AKAP8L: variants seen among roughly 807,000 people sequenced by gnomAD.
The protein encoded by AKAP8L is A-kinase anchoring protein 8 like.
A neutral mutation model predicts 77.5 loss-of-function variants in AKAP8L; 34 were observed. The observed-to-expected ratio is 0.44, with a 90% CI of 0.33 to 0.58. The LOEUF is 0.58. AKAP8L is among the 20% of genes least tolerant of loss of function. The pLI, the probability that AKAP8L is intolerant of heterozygous loss-of-function variation, is 0.02. For synonymous variants in AKAP8L, 342 were observed against 340.7 expected, an observed-to-expected ratio of 1.00 and a Z score of -0.04; for missense variants, 806 against 887.6, an observed-to-expected ratio of 0.91 and a Z score of 1.17.
chr19:15,411,430 C>A (rs1348117994), intron 1 of AKAP8L, among the ~76,000 whole-genome samples: 1 of 150,510 alleles, frequency 6.6e-6, no homozygotes, highest in East Asian at 2.0e-4. Flanking sequence ...CCAAGATGAC[C>A]AGCCTGGGCA....
intron 12 of AKAP8L, among the ~76,000 whole-genome samples, chr19:15,388,209 A>G (rs1013250156): frequency 9.8e-5 from 14 of 143,350 alleles, no homozygotes; most frequent in Non-Finnish European, 2.1e-4. Context: ...AAAAAAATCT[A>G]GCAAGTCACT....
intron 12 of AKAP8L, among the ~76,000 whole-genome samples, chr19:15,391,570 C>T (rs573582844): frequency 8.2e-4 from 51 of 62,138 alleles, no homozygotes; most frequent in South Asian, 4.9e-3. Flanking sequence ...GATGGAATCT[C>T]GCTGTGTCTC....
chr19:15,391,515 TTTTATG>T (rs1305146034), intron 12 of AKAP8L, among the ~76,000 whole-genome samples: 3 of 51,154 alleles, frequency 5.9e-5, no homozygotes, highest in African/African-American at 2.8e-4. Flanking sequence ...ATAAACATTA[TTTTATG>T]TTTTTATTTT....
At position 15,399,363 on chromosome 19, in the gene AKAP8L, G is replaced by A; in HGVS notation, c.1096C>T (p.Gln366Ter). 6.2e-7 allele frequency: 1 copy of A among 1,613,888 alleles called. No homozygotes were observed. Among genetic ancestry groups the A allele is most frequent in the Non-Finnish European group, 8.5e-7 (1 of 1,179,852 alleles). Reference sequence around the variant, plus strand: ...TTGTCCTGACTCTTCTTGCCTGCCTGCAACTTGCGCTTGGTCTGGCCATTT... The same window carrying A: ...TTGTCCTGACTCTTCTTGCCTGCCTACAACTTGCGCTTGGTCTGGCCATTT... ...DENGQTKRKL[Q>*]AGKKSQDKQK... The change falls in exon 9 of 14, where the codon CAG (glutamine) becomes TAG (stop). Residue 366 changes from glutamine (Q) to a stop codon, truncating the protein, a stop_gained. Transcript: ENST00000397410. LOFTEE classifies it high-confidence loss of function. The surrounding 1 kb of genome is among the most constrained non-coding windows in gnomAD (Gnocchi z 6.1).
rs1163558963 is a variant in AKAP8L, at chr19:15,398,751, C to T, written c.1157+551G>A. 4 of 990,656 alleles carry T rather than the reference C, an allele frequency of 4.0e-6. No individual in the cohort carries two copies. Among genetic ancestry groups the T allele is most frequent in the Non-Finnish European group, 2.4e-6 (2 of 833,454 alleles). The allele number at this position is 990,656 out of a possible 1,614,324, so 61.4% of individuals were successfully genotyped here. On this transcript the variant is annotated intron_variant, in intron 9 of 13. Coordinates refer to ENST00000397410, the MANE Select transcript of AKAP8L (RefSeq NM_014371.4). The surrounding 1 kb of genome is among the most constrained non-coding windows in gnomAD (Gnocchi z 9.2). ...AAGAGTCTGAGGCGGAGGAGGCAAG[C>T]GCCAGTGCGGGAGCCCTGAGGGCAG...
chr19:15,400,795 ACT>A lies in AKAP8L; in HGVS notation c.981_982del (p.Arg327SerfsTer6). On this transcript the variant is annotated frameshift_variant and splice_region_variant, in exon 7 of 14. Coordinates refer to ENST00000397410, the MANE Select transcript of AKAP8L (RefSeq NM_014371.4). LOFTEE classifies it high-confidence loss of function. ...AAATGCCCAGCCAGAGCCACTTACC[ACT>A]CTGGAGCCCTTCTCCACAGCCTCGG... The A allele has an allele frequency of 6.2e-7, 1 of 1,612,758 alleles. No homozygotes were observed. The highest frequency in any genetic ancestry group is 8.5e-7 in the Non-Finnish European group (1 of 1,179,596).
chr19:15,418,863 C>T, intron 1 of AKAP8L, 48 bp downstream of exon 1: 1 of 1,574,864 alleles, frequency 6.3e-7, no homozygotes, highest in African/African-American at 1.3e-5. Context: ...TCCGCACGTC[C>T]CTGTCCCATC....
chr19:15,394,092 A>C (rs969630336), intron 12 of AKAP8L, among the ~76,000 whole-genome samples: 2 of 152,128 alleles, frequency 1.3e-5, no homozygotes, highest in African/African-American at 4.8e-5. Flanking sequence ...AAAAATGAAA[A>C]CATATGTCCA....
intron 12 of AKAP8L, among the ~76,000 whole-genome samples, chr19:15,389,552 C>T (rs1437983934): frequency 2.6e-5 from 4 of 152,138 alleles, no homozygotes; most frequent in Non-Finnish European, 5.9e-5. Context: ...GCGGGCAGAT[C>T]ACGAGGTCAG....
chr19:15,399,547 T>C lies in AKAP8L; in HGVS notation c.1049-137A>G, dbSNP rs943385460. 1.0e-5 allele frequency: 7 copies of C among 697,638 alleles called. No homozygotes were observed. Among genetic ancestry groups the C allele is most frequent in the African/African-American group, 3.5e-5 (2 of 57,074 alleles). 43.2% of individuals were successfully genotyped at this position (697,638 alleles called of 1,614,324 possible). ...GCTGTCCAAGCAAGGCCTCTGGCCA[T>C]GAGCAGGGCTGGGTATCCTGGGCTG... On this transcript the variant is annotated intron_variant, in intron 8 of 13. Coordinates refer to ENST00000397410, the MANE Select transcript of AKAP8L (RefSeq NM_014371.4). This position sits in a 1 kb window ranked among gnomAD's most constrained non-coding sequence, Gnocchi z 6.1.
At chr19:15,395,367 T>C (rs1967748455) in intron 12 of AKAP8L, among the ~76,000 whole-genome samples, 1 of 151,504 alleles carries the variant, frequency 6.6e-6, no homozygotes, top group South Asian at 2.1e-4. Flanking sequence ...CAGATTGCTC[T>C]GCGAGTGGCG....
chr19:15,413,667 T>C (rs960029118), intron 1 of AKAP8L, among the ~76,000 whole-genome samples: 8 of 152,172 alleles, frequency 5.3e-5, no homozygotes, highest in South Asian at 2.1e-4. Context: ...AGCCTTATAA[T>C]GTAAGGAATA....
At chr19:15,413,161 G>C (rs1394032023) in intron 1 of AKAP8L, among the ~76,000 whole-genome samples, 1 of 152,146 alleles carries the variant, frequency 6.6e-6, no homozygotes, top group Non-Finnish European at 1.5e-5. Context: ...AGACAATAAG[G>C]GCAGGTGGGC....
intron 12 of AKAP8L, among the ~76,000 whole-genome samples, chr19:15,391,369 A>G (rs1967654812): frequency 7.2e-6 from 1 of 138,074 alleles, no homozygotes; most frequent in African/African-American, 2.6e-5. Flanking sequence ...GAGGCAGGAG[A>G]ATGGCGTGAA....
At chr19:15,388,135 T>C (rs1326160606) in intron 12 of AKAP8L, among the ~76,000 whole-genome samples, 1 of 152,040 alleles carries the variant, frequency 6.6e-6, no homozygotes, top group Non-Finnish European at 1.5e-5. Context: ...AGCGAGCCCA[T>C]GGCTTCCTCC....
intron 2 of AKAP8L, among the ~76,000 whole-genome samples, chr19:15,406,493 G>A (rs549450487): frequency 4.6e-4 from 70 of 151,642 alleles, no homozygotes; most frequent in Non-Finnish European, 9.3e-4. Context: ...TTGAGATAGA[G>A]TCTTGCTCTG....
At chr19:15,393,341 AAAAATT>A (rs879347754) in intron 12 of AKAP8L, among the ~76,000 whole-genome samples, 51 of 152,344 alleles carry the variant, frequency 3.3e-4, no homozygotes, top group African/African-American at 1.1e-3. Flanking sequence ...TGGACTTTAT[AAAAATT>A]AAAACTATTG....
chr19:15,390,480 A>T (rs1322901292), intron 12 of AKAP8L, among the ~76,000 whole-genome samples: 1 of 151,956 alleles, frequency 6.6e-6, no homozygotes, highest in Non-Finnish European at 1.5e-5. Flanking sequence ...TCATAAGCAA[A>T]TTCTACGAAG....
chr19:15,400,885 A>T lies in AKAP8L; in HGVS notation c.914-21T>A, dbSNP rs759420599. The T allele has an allele frequency of 2.5e-5, 40 of 1,613,818 alleles. No homozygotes were observed. The Admixed American group carries it at 6.7e-4, about 27-fold the overall frequency. Reference sequence around the variant, plus strand: ...CTCATCTGAAAGGGAAAAGGAGGTAAGCTCAACCCAGGAGTTCCCAGAGGC... The same window carrying T: ...CTCATCTGAAAGGGAAAAGGAGGTATGCTCAACCCAGGAGTTCCCAGAGGC... On this transcript the variant is annotated intron_variant, in intron 6 of 13. Transcript: ENST00000397410.
Sources: gnomAD v4.1 joint callset for allele counts (sites outside exome capture counted in the v4.1 genomes callset) on GRCh38, gnomAD v4.1.1 for gene constraint, Gnocchi (gnomAD v3.1) non-coding constraint, MANE v1.5 for transcripts, NCBI Gene and HGNC (gene_info 2026-07-23, HGNC 2026-07-21) for gene names.